TBC1D12: variants seen among roughly 807,000 people sequenced by gnomAD.
The protein encoded by TBC1D12 is TBC1 domain family member 12, also known as TBC1 domain family, member 12.
In TBC1D12, 56 loss-of-function variants were observed where a neutral mutation model predicts 86.7. The observed-to-expected ratio is 0.65, with a 90% CI of 0.52 to 0.81. TBC1D12 has a LOEUF of 0.81. Among genes scored for constraint, TBC1D12 ranks in the 30% least tolerant of loss-of-function variants. The pLI is 0.00. For synonymous variants in TBC1D12, 421 were observed against 411.7 expected (o/e 1.02, Z -0.27); for missense variants, 1,023 against 1,038.8 (o/e 0.98, Z 0.21).
chr10:94,483,739 TTTG>T (rs1023089161), intron 3 of TBC1D12, among the ~76,000 whole-genome samples: 1 of 152,010 alleles, frequency 6.6e-6, no homozygotes, highest in African/African-American at 2.4e-5. Flanking sequence ...TTTGTTTTTT[TTTG>T]TTTGTTTGTT....
intron 3 of TBC1D12, among the ~76,000 whole-genome samples, chr10:94,488,351 G>A (rs1241135352): frequency 1.3e-5 from 2 of 150,284 alleles, no homozygotes; most frequent in African/African-American, 4.9e-5. Context: ...TTGCACCACT[G>A]GGTATTGCTG....
intron 1 of TBC1D12, among the ~76,000 whole-genome samples, chr10:94,421,167 C>G (rs2055068576): frequency 6.6e-6 from 1 of 152,136 alleles, no homozygotes; most frequent in Non-Finnish European, 1.5e-5. Context: ...CTCCACCCAC[C>G]TCCACCTGGT....
chr10:94,500,135 C>A, intron 5 of TBC1D12, 86 bp from the exon 6 acceptor site: 3 of 1,182,596 alleles, frequency 2.5e-6, no homozygotes, highest in Non-Finnish European at 3.6e-6. Context: ...GATCACTTGG[C>A]CATAGACTAA....
chr10:94,456,109 A>T (rs1208175036), intron 2 of TBC1D12, among the ~76,000 whole-genome samples: 2 of 152,104 alleles, frequency 1.3e-5, no homozygotes, highest in African/African-American at 4.8e-5. Context: ...AATTTTATTG[A>T]TCTTTTTAAA....
chr10:94,533,083 CT>C lies in TBC1D12; in HGVS notation c.2318del (p.Leu773Ter). The C allele has an allele frequency of 6.3e-7, 1 of 1,589,998 alleles. No homozygotes were observed. On this transcript the variant is annotated frameshift_variant, in exon 13 of 13. Coordinates refer to ENST00000225235, the MANE Select transcript of TBC1D12 (RefSeq NM_015188.2). LOFTEE classifies it high-confidence loss of function. ...GAAGGAGACAAGAACAGTAGTCCTG[CT>C]TTGAAAAGCTAGTCTTCAAAATTGA... is the stretch of plus-strand genomic sequence containing the variant. ...IKEGDKNSSPALKS is the reference protein window; with the variant it reads ...IKEGDKNSSPXLKS
chr10:94,530,419 GA>G (rs1174367981), intron 11 of TBC1D12, among the ~76,000 whole-genome samples: 1 of 152,168 alleles, frequency 6.6e-6, no homozygotes. Context: ...TGTGCAAGGG[GA>G]AGAGAAAAGA....
chr10:94,527,481 T>C (rs1341818163), intron 11 of TBC1D12, among the ~76,000 whole-genome samples: 2 of 143,960 alleles, frequency 1.4e-5, no homozygotes, highest in Admixed American at 6.8e-5. Context: ...TTTGCAGATA[T>C]TTTTTCCCAT....
At chr10:94,465,804 A>G (rs1227356559) in intron 2 of TBC1D12, among the ~76,000 whole-genome samples, 3 of 151,306 alleles carry the variant, frequency 2.0e-5, no homozygotes, top group African/African-American at 4.8e-5. Context: ...GCATACATAC[A>G]TATACGCATA....
intron 3 of TBC1D12, among the ~76,000 whole-genome samples, chr10:94,488,386 C>CTTTTTTT (rs770258959): frequency 2.4e-4 from 18 of 74,812 alleles, no homozygotes; most frequent in African/African-American, 6.0e-4. Context: ...CCCAAGGGGT[C>CTTTTTTT]TTTTTTTTTT....
At chr10:94,507,162 C>A in intron 6 of TBC1D12, 105 bp from the exon 7 acceptor site, 1 of 1,073,686 alleles carries the variant, frequency 9.3e-7, no homozygotes, top group Non-Finnish European at 1.4e-6. Flanking sequence ...ATGCTTGCTA[C>A]ATCAGAGAGA....
rs529240240 is a variant in TBC1D12 at position 94,533,296 on chromosome 10, G to C, written c.*200G>C. On this transcript the variant is annotated 3_prime_UTR_variant, in exon 13 of 13. Coordinates refer to ENST00000225235, the MANE Select transcript of TBC1D12 (RefSeq NM_015188.2). The stretch of plus-strand genomic sequence containing the variant: ...GACAGTATTAATAAACTATTATTTT[G>C]TAGGTAGAGTCATTTTTCAAAGGAA... 2.8e-6 allele frequency: 1 copy of C among 358,228 alleles called. No individual in the cohort carries two copies. Among genetic ancestry groups the C allele is most frequent in the Non-Finnish European group, 4.9e-6 (1 of 202,188 alleles). The allele number at this position is 358,228 out of a possible 1,614,324, so 22.2% of individuals were successfully genotyped here. A position where few individuals can be genotyped will look rare whatever the true frequency, so the allele number is the denominator to read the frequency against.
At chr10:94,412,245 A>G (rs1426009594) in intron 1 of TBC1D12, among the ~76,000 whole-genome samples, 1 of 152,218 alleles carries the variant, frequency 6.6e-6, no homozygotes, top group Non-Finnish European at 1.5e-5. Flanking sequence ...ACTATGTGGC[A>G]TATAGTGAAG....
At chr10:94,516,501 T>G (rs184656784) in intron 9 of TBC1D12, among the ~76,000 whole-genome samples, 186 of 152,068 alleles carry the variant, frequency 1.2e-3, no homozygotes, top group African/African-American at 4.3e-3. Flanking sequence ...ATGTGCCATG[T>G]TGGTGTGCTG....
At chr10:94,447,189 T>G (rs943573196) in intron 2 of TBC1D12, among the ~76,000 whole-genome samples, 3 of 152,076 alleles carry the variant, frequency 2.0e-5, no homozygotes, top group Admixed American at 2.0e-4. Flanking sequence ...TTTTTAGGCC[T>G]TTTAAAATTC....
At chr10:94,423,071 G>A (rs1223255046) in intron 1 of TBC1D12, among the ~76,000 whole-genome samples, 3 of 152,132 alleles carry the variant, frequency 2.0e-5, no homozygotes, top group African/African-American at 7.2e-5. Flanking sequence ...GTGCACTCTA[G>A]CCTGGGTGAC....
chr10:94,521,902 A>C, intron 9 of TBC1D12, 53 bp from the exon 10 acceptor site: 1 of 1,476,262 alleles, frequency 6.8e-7, no homozygotes, highest in Non-Finnish European at 9.2e-7. Context: ...AAAATAAACT[A>C]TATAGATTTA....
chr10:94,507,520 C>T (rs1226261924), intron 7 of TBC1D12, among the ~76,000 whole-genome samples, 173 bp downstream of exon 7: 2 of 152,036 alleles, frequency 1.3e-5, no homozygotes, highest in Non-Finnish European at 2.9e-5. Context: ...AAGTATCATC[C>T]TAAGACCTCT....
At chr10:94,503,278 C>T (rs1440437530) in intron 6 of TBC1D12, among the ~76,000 whole-genome samples, 1 of 152,084 alleles carries the variant, frequency 6.6e-6, no homozygotes, top group Non-Finnish European at 1.5e-5. Flanking sequence ...GTTTTTCATC[C>T]CTCAAAAGAG....
chr10:94,510,198 C>T lies in TBC1D12; in HGVS notation c.1689+19C>T, dbSNP rs2056509810. ...TCAGAAGGTGAGGGTTTCTAACCAG[C>T]TTGTAATTACTTAAAAAAAATCTAT... On this transcript the variant is annotated intron_variant, in intron 8 of 12. Transcript: ENST00000225235. 6.7e-7 allele frequency: 1 copy of T among 1,487,728 alleles called. No homozygotes were observed. The allele number at this position is 1,487,728 out of a possible 1,614,324, so 92.2% of individuals were successfully genotyped here.
Sources: gnomAD v4.1 joint callset for allele counts (sites outside exome capture counted in the v4.1 genomes callset) on GRCh38, gnomAD v4.1.1 for gene constraint, MANE v1.5 for transcripts, NCBI Gene and HGNC (gene_info 2026-07-23, HGNC 2026-07-21) for gene names.